ANKRD17: variants seen among roughly 807,000 people sequenced by gnomAD.
ANKRD17 encodes ankyrin repeat domain-containing protein 17.
Under a neutral mutation model 229.7 loss-of-function variants are expected in ANKRD17, and 19 were observed. That is an observed-to-expected ratio of 0.08 (90% CI 0.06 to 0.12). ANKRD17 has a LOEUF of 0.12. Ranked by LOEUF, ANKRD17 falls within the 10% of genes least tolerant of loss-of-function variation. The pLI, the probability that ANKRD17 is intolerant of heterozygous loss-of-function variation, is 1.00. For missense variants in ANKRD17, 2,176 were observed against 3,176.8 expected, an observed-to-expected ratio of 0.68 and a Z score of 7.57; for synonymous variants, 1,112 against 1,146.1, an observed-to-expected ratio of 0.97 and a Z score of 0.60.
At chr4:73,202,680 C>T (rs568924761) in intron 1 of ANKRD17, among the ~76,000 whole-genome samples, 1 of 152,216 alleles carries the variant, frequency 6.6e-6, no homozygotes, top group East Asian at 1.9e-4. Context: ...AAGGATAAAG[C>T]TGATTTTCAA....
chr4:73,245,174 T>C (rs768803831), intron 1 of ANKRD17, among the ~76,000 whole-genome samples: 10 of 152,108 alleles, frequency 6.6e-5, no homozygotes. Context: ...TGTCAGGTAG[T>C]AGCAAAGATC....
intron 16 of ANKRD17, among the ~76,000 whole-genome samples, chr4:73,127,487 T>C (rs1486191812): frequency 6.6e-6 from 1 of 152,172 alleles, no homozygotes; most frequent in Non-Finnish European, 1.5e-5. Context: ...AACTGAACAG[T>C]GTTGCTCTAA....
intron 26 of ANKRD17, among the ~76,000 whole-genome samples, chr4:73,097,523 C>T (rs943005075): frequency 2.0e-5 from 3 of 151,544 alleles, no homozygotes; most frequent in Admixed American, 6.6e-5. Context: ...CAGCCTTGAG[C>T]TCTCGGGTTC....
At chr4:73,194,273 C>A (rs2149078734) in intron 1 of ANKRD17, among the ~76,000 whole-genome samples, 1 of 152,222 alleles carries the variant, frequency 6.6e-6, no homozygotes, top group South Asian at 2.1e-4. Flanking sequence ...ATAATTTTTG[C>A]ACATAGTGCC....
rs139413711 is a variant in ANKRD17 at position 73,238,747 on chromosome 4, T to C, written c.393+19529A>G. Reference sequence around the variant, plus strand: ...AACTCTACAATGCATACAAAACATATTTCTTGAGCAATTACTAGGGAGGCC... The same window carrying C: ...AACTCTACAATGCATACAAAACATACTTCTTGAGCAATTACTAGGGAGGCC... On this transcript the variant is annotated intron_variant, in intron 1 of 33. Coordinates refer to ENST00000358602, the MANE Select transcript of ANKRD17 (RefSeq NM_032217.5). Among the ~76,000 whole-genome samples, 370 of 152,218 alleles carry C rather than the reference T, an allele frequency of 2.4e-3. 1 individual carries two copies. The highest frequency in any genetic ancestry group is 8.6e-3 in the African/African-American group (357 of 41,538).
intron 1 of ANKRD17, among the ~76,000 whole-genome samples, chr4:73,196,952 G>T (rs566200886): frequency 6.6e-6 from 1 of 152,060 alleles, no homozygotes; most frequent in African/African-American, 2.4e-5. Context: ...ATATACACAT[G>T]TATGTGTATG....
At chr4:73,234,747 T>G (rs1266255045) in intron 1 of ANKRD17, among the ~76,000 whole-genome samples, 2 of 152,210 alleles carry the variant, frequency 1.3e-5, no homozygotes, top group African/African-American at 4.8e-5. Flanking sequence ...CATACTAAAC[T>G]GCTGACCTAC....
intron 25 of ANKRD17, among the ~76,000 whole-genome samples, chr4:73,100,147 T>A (rs1231280617): frequency 6.6e-6 from 1 of 152,206 alleles, no homozygotes; most frequent in Non-Finnish European, 1.5e-5. Flanking sequence ...TCGACATCCG[T>A]TATTGCTGCC....
chr4:73,116,419 A>G (rs534880977), intron 22 of ANKRD17, among the ~76,000 whole-genome samples: 1 of 152,200 alleles, frequency 6.6e-6, no homozygotes, highest in African/African-American at 2.4e-5. Flanking sequence ...ATTCACTGCA[A>G]CACAAGTTAG....
At position 73,120,742 on chromosome 4, in the gene ANKRD17, CA is replaced by C. The variant is rs1726623898; in HGVS notation, c.3849+138del. 63 of 746,564 alleles carry C rather than the reference CA, an allele frequency of 8.4e-5. No homozygotes were observed. In the South Asian group the frequency reaches 1.2e-3, roughly 14 times the overall value. The allele number at this position is 746,564 out of a possible 1,614,324, so 46.2% of individuals were successfully genotyped here. A position where few individuals can be genotyped will look rare whatever the true frequency, so the allele number is the denominator to read the frequency against. ...AGAGTTAATGTTTGACTGAGTTATA[CA>C]GAATGATTTCTAATTAAATATATAC... On this transcript the variant is annotated intron_variant, in intron 20 of 33. Coordinates refer to ENST00000358602, the MANE Select transcript of ANKRD17 (RefSeq NM_032217.5).
intron 1 of ANKRD17, among the ~76,000 whole-genome samples, chr4:73,188,925 AATGG>A (rs1313214168): frequency 5.3e-5 from 8 of 152,284 alleles, no homozygotes; most frequent in African/African-American, 1.2e-4. Context: ...TCTTAAACAA[AATGG>A]ATGGTTTTCT....
chr4:73,249,347 G>T (rs1446330993), intron 1 of ANKRD17, among the ~76,000 whole-genome samples: 1 of 152,112 alleles, frequency 6.6e-6, no homozygotes, highest in Non-Finnish European at 1.5e-5. Flanking sequence ...GTATTTTTGG[G>T]AAAAGGAAAG....
At chr4:73,095,606 A>G (rs1723211361) in intron 27 of ANKRD17, among the ~76,000 whole-genome samples, 1 of 151,624 alleles carries the variant, frequency 6.6e-6, no homozygotes, top group African/African-American at 2.4e-5. Context: ...CCATCTCAAA[A>G]AAAAAAAAAA....
rs372452886 is a variant in ANKRD17, at chr4:73,244,293, A to G, written c.393+13983T>C. Among the ~76,000 whole-genome samples, 50 of 152,292 alleles carry G rather than the reference A, an allele frequency of 3.3e-4. 2 individuals are homozygous for G. In the South Asian group the frequency reaches 9.1e-3, roughly 28 times the overall value. On this transcript the variant is annotated intron_variant, in intron 1 of 33. Coordinates refer to ENST00000358602, the MANE Select transcript of ANKRD17 (RefSeq NM_032217.5). ...ATGTTGGGGACACACAGTTCAGCCC[A>G]TAACAGGCTGAAACATGGACATGAT...
rs1457675760 is a variant in ANKRD17 at position 73,144,749 on chromosome 4, A to C, written c.1953T>G (p.Ser651Arg). 6 of 1,558,088 alleles carry C rather than the reference A, an allele frequency of 3.9e-6. No homozygotes were observed. Among genetic ancestry groups the C allele is most frequent in the Non-Finnish European group, 5.2e-6 (6 of 1,155,766 alleles). ...GHVCTVQFLI[S>R]KGANVNRTTA... ...AACTGTTTTATACAAACCTACCTTTACTAATTAAGAACTGAACAGTACAAA... is the reference window on the plus strand; with the variant it reads ...AACTGTTTTATACAAACCTACCTTTCCTAATTAAGAACTGAACAGTACAAA... The change falls in exon 11 of 34, where the codon AGT becomes AGG. Residue 651 changes from serine to arginine, a missense_variant. Transcript: ENST00000358602.
intron 1 of ANKRD17, among the ~76,000 whole-genome samples, chr4:73,246,260 A>G (rs949833358): frequency 3.3e-5 from 5 of 152,194 alleles, no homozygotes; most frequent in African/African-American, 1.2e-4. Context: ...ACTGCTGTGT[A>G]CTTCCTATTC....
At chr4:73,086,302 A>G (rs1722115114) in intron 29 of ANKRD17, among the ~76,000 whole-genome samples, 1 of 152,170 alleles carries the variant, frequency 6.6e-6, no homozygotes, top group South Asian at 2.1e-4. Flanking sequence ...TCAAAAACGA[A>G]TGTATGTGTA....
At chr4:73,196,064 T>C (rs1431391597) in intron 1 of ANKRD17, among the ~76,000 whole-genome samples, 1 of 149,422 alleles carries the variant, frequency 6.7e-6, no homozygotes, top group African/African-American at 2.5e-5. Context: ...TAGAGTGCAG[T>C]GGCAATCTCA....
At position 73,101,766 on chromosome 4, in the gene ANKRD17, A is replaced by C. The variant is rs532436668; in HGVS notation, c.4573+610T>G. On this transcript the variant is annotated intron_variant, in intron 25 of 33. Coordinates refer to ENST00000358602, the MANE Select transcript of ANKRD17 (RefSeq NM_032217.5). ...AGAAAAAAATATGTACAAGTACTTAAAGAGAAAAATAAAGCAAATATGGTA... is the reference window on the plus strand; with the variant it reads ...AGAAAAAAATATGTACAAGTACTTACAGAGAAAAATAAAGCAAATATGGTA... Among the ~76,000 whole-genome samples, 44 of 152,198 alleles carry C rather than the reference A, an allele frequency of 2.9e-4. No homozygotes were observed. In the South Asian group the frequency reaches 5.4e-3, roughly 19 times the overall value.
Sources: gnomAD v4.1 joint callset for allele counts (sites outside exome capture counted in the v4.1 genomes callset) on GRCh38, gnomAD v4.1.1 for gene constraint, MANE v1.5 for transcripts, NCBI Gene and HGNC (gene_info 2026-07-23, HGNC 2026-07-21) for gene names.